Variants in DCAF4 observed in about 807,000 individuals in gnomAD.
DCAF4 encodes DDB1- and CUL4-associated factor 4.
DCAF4 carries 37 observed loss-of-function variants against 60.9 expected under a neutral mutation model. That is an observed-to-expected ratio of 0.61 (90% CI 0.47 to 0.80). The LOEUF is 0.80. DCAF4 is among the 30% of genes least tolerant of loss of function. DCAF4 has a pLI of 0.00. For missense variants in DCAF4, 577 were observed against 650.0 expected (o/e 0.89, Z 1.22); for synonymous variants, 243 against 254.8 (o/e 0.95, Z 0.44).
Position 72,959,626 on chromosome 14 carries a change from A to C in DCAF4, c.*821A>C, listed in dbSNP as rs1215804393. The C allele has an allele frequency of 1.0e-6, 1 of 985,318 alleles. No individual in the cohort carries two copies. The highest frequency in any genetic ancestry group is 1.2e-6 in the Non-Finnish European group (1 of 829,934). The allele number at this position is 985,318 out of a possible 1,614,324, so 61.0% of individuals were successfully genotyped here. ...GTTAAAGAGCCTGTTTTTCTACCAA[A>C]CAATAAAACCAAGAGAAGAATCATG... On this transcript the variant is annotated 3_prime_UTR_variant, in exon 14 of 14. Transcript: ENST00000358377.
chr14:72,943,118 G>A (rs769251977), intron 6 of DCAF4, 22 bp downstream of exon 6: 22 of 1,599,488 alleles, frequency 1.4e-5, no homozygotes, highest in Non-Finnish European at 1.8e-5. Context: ...GGGGACACCT[G>A]CCTAGGGTGT....
chr14:72,951,222 C>T (rs1034446571), intron 8 of DCAF4, among the ~76,000 whole-genome samples: 4 of 152,074 alleles, frequency 2.6e-5, no homozygotes, highest in Non-Finnish European at 4.4e-5. Flanking sequence ...CTCGAGTGAT[C>T]CTCCTGCCTC....
chr14:72,937,804 C>A, intron 1 of DCAF4, 167 bp from the exon 2 acceptor site: 1 of 638,266 alleles, frequency 1.6e-6, no homozygotes, highest in Non-Finnish European at 1.9e-6. Flanking sequence ...TGGGGGAGTG[C>A]TGGAGGCAGC....
chr14:72,945,498 A>G (rs1208843853), intron 6 of DCAF4, among the ~76,000 whole-genome samples: 1 of 149,972 alleles, frequency 6.7e-6, no homozygotes, highest in African/African-American at 2.5e-5. Context: ...AATAGTGCCT[A>G]TGTAATAGGA....
intron 9 of DCAF4, among the ~76,000 whole-genome samples, chr14:72,953,010 T>C (rs961236426): frequency 4.5e-5 from 6 of 132,488 alleles, no homozygotes; most frequent in Non-Finnish European, 6.4e-5. Context: ...TTTTTTTTTT[T>C]TTTTTTTGAG....
intron 13 of DCAF4, chr14:72,956,944 G>A: frequency 4.7e-6 from 1 of 211,320 alleles, no homozygotes; most frequent in South Asian, 6.9e-5. Flanking sequence ...CCGGCGCGGT[G>A]GCTCACGCCC....
chr14:72,930,246 CTT>C (rs57515626), intron 1 of DCAF4, among the ~76,000 whole-genome samples: 1 of 147,426 alleles, frequency 6.8e-6, no homozygotes. Flanking sequence ...GTAGCTTTTT[CTT>C]TTTTTTTTTT....
intron 1 of DCAF4, among the ~76,000 whole-genome samples, chr14:72,932,677 G>A (rs764148823): frequency 5.3e-5 from 8 of 152,118 alleles, no homozygotes; most frequent in Non-Finnish European, 8.8e-5. Flanking sequence ...AATTGTTTTC[G>A]AGTGCTTCCT....
At chr14:72,941,925 C>A (rs1370652438) in intron 5 of DCAF4, 101 bp downstream of exon 5, 1 of 1,245,378 alleles carries the variant, frequency 8.0e-7, no homozygotes, top group Non-Finnish European at 1.2e-6. Context: ...CATGTGGCTA[C>A]CCCGTGAAGC....
At chr14:72,934,156 CT>C (rs72429674) in intron 1 of DCAF4, among the ~76,000 whole-genome samples, 116 of 136,234 alleles carry the variant, frequency 8.5e-4, no homozygotes, top group Non-Finnish European at 8.9e-4. Flanking sequence ...GTGGCATTTT[CT>C]TTTTTTTTTT....
At chr14:72,931,693 C>A (rs2140188550) in intron 1 of DCAF4, among the ~76,000 whole-genome samples, 1 of 152,276 alleles carries the variant, frequency 6.6e-6, no homozygotes, top group South Asian at 2.1e-4. Flanking sequence ...GTTGAGGAAA[C>A]TACCTTCTGT....
intron 13 of DCAF4, 84 bp from the exon 14 acceptor site, chr14:72,958,528 A>C: frequency 1.3e-6 from 2 of 1,509,348 alleles, no homozygotes; most frequent in Non-Finnish European, 9.1e-7. Context: ...GCCCTGAGGA[A>C]TCTTGGGAAG....
chr14:72,954,187 T>C lies in DCAF4; in HGVS notation c.832T>C (p.Cys278Arg). ...HPGIDRPGML[C>R]SFRIPGAWSC... The stretch of plus-strand genomic sequence containing the variant: ...AGGAATAGACCGGCCTGGCATGCTC[T>C]GCAGTTTCCGGATCCCTGGTGCCTG... The change falls in exon 10 of 14, where the codon TGC (cysteine) becomes CGC (arginine). Residue 278 changes from cysteine (C) to arginine (R), a missense_variant. Coordinates refer to ENST00000358377, the MANE Select transcript of DCAF4 (RefSeq NM_015604.4). 1.9e-6 allele frequency: 3 copies of C among 1,614,198 alleles called. No individual in the cohort carries two copies. The highest frequency in any genetic ancestry group is 2.5e-6 in the Non-Finnish European group (3 of 1,180,034).
chr14:72,937,034 G>A (rs1458937394), intron 1 of DCAF4, among the ~76,000 whole-genome samples: 2 of 152,230 alleles, frequency 1.3e-5, no homozygotes, highest in Admixed American at 6.5e-5. Flanking sequence ...GTAGAAAGGC[G>A]AGGAGAGAGG....
chr14:72,931,290 G>T (rs1888551967), intron 1 of DCAF4, among the ~76,000 whole-genome samples: 1 of 122,378 alleles, frequency 8.2e-6, no homozygotes. Flanking sequence ...TTGTAACTGA[G>T]CCTGAGCAGG....
intron 5 of DCAF4, 89 bp downstream of exon 5, chr14:72,941,913 A>AC: frequency 7.2e-7 from 1 of 1,396,050 alleles, no homozygotes; most frequent in Non-Finnish European, 1.0e-6. Context: ...GTCTGGATAG[A>AC]CCATGTGGCT....
chr14:72,956,530 C>T, intron 13 of DCAF4, 30 bp downstream of exon 13: 5 of 1,582,250 alleles, frequency 3.2e-6, no homozygotes, highest in Non-Finnish European at 4.3e-6. Flanking sequence ...GAAGTTCCAC[C>T]CCATCAAATA....
intron 13 of DCAF4, chr14:72,957,722 T>C (rs540594169): frequency 6.6e-6 from 1 of 152,272 alleles, no homozygotes; most frequent in East Asian, 1.9e-4. Flanking sequence ...TCAGCCAAGA[T>C]AGCACTTCTG....
chr14:72,961,370 T>C (rs1001818774), downstream of DCAF4, among the ~76,000 whole-genome samples: 1 of 152,036 alleles, frequency 6.6e-6, no homozygotes, highest in African/African-American at 2.4e-5. Context: ...TGGGAAAGAG[T>C]TGAGAGATAC....
Sources: gnomAD v4.1 joint callset for allele counts (sites outside exome capture counted in the v4.1 genomes callset) on GRCh38, gnomAD v4.1.1 for gene constraint, MANE v1.5 for transcripts, NCBI Gene and HGNC (gene_info 2026-07-23, HGNC 2026-07-21) for gene names.